Variants in BACE2 observed in about 807,000 individuals in gnomAD.
BACE2 encodes beta-secretase 2.
In BACE2, 17 loss-of-function variants were observed where a neutral mutation model predicts 46.2. The ratio of observed to expected loss-of-function variants is 0.37; its 90% CI spans 0.25 to 0.55. The LOEUF (loss-of-function observed/expected upper bound fraction) is 0.55. Ranked by LOEUF, BACE2 falls within the 20% of genes least tolerant of loss-of-function variation. The pLI, the probability that BACE2 is intolerant of heterozygous loss-of-function variation, is 0.82. For synonymous variants in BACE2, 277 were observed against 295.9 expected (o/e 0.94, Z 0.66); for missense variants, 595 against 698.1 (o/e 0.85, Z 1.66).
chr21:41,255,635 C>T (rs944593483), intron 7 of BACE2, among the ~76,000 whole-genome samples: 1 of 152,168 alleles, frequency 6.6e-6, no homozygotes, highest in Admixed American at 6.5e-5. Flanking sequence ...TGTCATTCAC[C>T]GTTGTAGTGC....
At chr21:41,233,654 A>G (rs1987029020) in intron 2 of BACE2, among the ~76,000 whole-genome samples, 1 of 152,246 alleles carries the variant, frequency 6.6e-6, no homozygotes, top group Non-Finnish European at 1.5e-5. Flanking sequence ...TAGACTGTTT[A>G]GGAAAGATAC....
intron 8 of BACE2, among the ~76,000 whole-genome samples, chr21:41,264,673 G>A (rs1267256842): frequency 6.6e-6 from 1 of 152,012 alleles, no homozygotes; most frequent in Non-Finnish European, 1.5e-5. Context: ...ATACTGGGGG[G>A]TGGTAGTAAA....
chr21:41,181,791 T>C (rs1226004319), intron 1 of BACE2: 1 of 167,050 alleles, frequency 6.0e-6, no homozygotes, highest in African/African-American at 2.4e-5. Flanking sequence ...GGGGACATGG[T>C]CCTGAGATTT....
rs180684956 is a variant in BACE2 at position 41,275,560 on chromosome 21, G to A, written c.1493G>A (p.Arg498His). 3.3e-5 allele frequency: 53 copies of A among 1,614,044 alleles called. No individual in the cohort carries two copies. In the East Asian group the frequency reaches 3.6e-4, roughly 11 times the overall value. The change falls in exon 9 of 9, where the codon CGT becomes CAT. Residue 498 changes from arginine to histidine, a missense_variant. Physicochemically the swap from Arg to His is conservative, Grantham distance 29. Around this residue, in one of 3 missense-constraint regions of BACE2, gnomAD observed 343 missense variants for 419.4 expected, o/e 0.82. Transcript: ENST00000330333. The stretch of plus-strand genomic sequence containing the variant: ...CTGCTGCTGCCGTTCCGGTGTCAGC[G>A]TCGCCCCCGTGACCCTGAGGTCGTC... ...VLLLLPFRCQ[R>H]RPRDPEVVND...
chr21:41,220,226 G>A (rs562559798), intron 1 of BACE2, among the ~76,000 whole-genome samples: 10 of 152,278 alleles, frequency 6.6e-5, no homozygotes, highest in Admixed American at 2.0e-4. Flanking sequence ...CCCTGTACAC[G>A]CCACCCTCCG....
At chr21:41,196,722 A>G (rs1434924808) in intron 1 of BACE2, among the ~76,000 whole-genome samples, 2 of 152,228 alleles carry the variant, frequency 1.3e-5, no homozygotes, top group Admixed American at 1.3e-4. Flanking sequence ...TGCCTAAAGC[A>G]ATAAAGAATT....
rs61386409 is a variant in BACE2, at chr21:41,274,543, T to C, written c.1304-828T>C. Among the ~76,000 whole-genome samples the C allele has an allele frequency of 2.4e-3, 369 of 152,288 alleles. 1 individual carries two copies. The highest frequency in any genetic ancestry group is 8.3e-3 in the African/African-American group (347 of 41,564). On this transcript the variant is annotated intron_variant, in intron 8 of 8. Transcript: ENST00000330333. ...ATTGCAAGTAAAGCTTAAGATCCCATATTCCTGAAAGGGGCAGAGAAGCCT... is the reference window on the plus strand; with the variant it reads ...ATTGCAAGTAAAGCTTAAGATCCCACATTCCTGAAAGGGGCAGAGAAGCCT...
intron 1 of BACE2, among the ~76,000 whole-genome samples, chr21:41,218,794 A>T (rs1219065756): frequency 6.6e-6 from 1 of 152,156 alleles, no homozygotes; most frequent in Non-Finnish European, 1.5e-5. Flanking sequence ...GAAAGTAAAA[A>T]TAATGTTATA....
chr21:41,204,233 G>T (rs1986055584), intron 1 of BACE2, among the ~76,000 whole-genome samples: 1 of 152,112 alleles, frequency 6.6e-6, no homozygotes, highest in Non-Finnish European at 1.5e-5. Context: ...TAGAGACAGG[G>T]TTTCAACATG....
intron 8 of BACE2, among the ~76,000 whole-genome samples, chr21:41,274,128 C>G (rs2088461190): frequency 6.6e-6 from 1 of 151,816 alleles, no homozygotes; most frequent in South Asian, 2.1e-4. Flanking sequence ...TATCTACAAA[C>G]CAGGAAATGG....
intron 1 of BACE2, chr21:41,181,061 T>C (rs1985103877): frequency 6.0e-6 from 1 of 167,110 alleles, no homozygotes; most frequent in Admixed American, 6.5e-5. Context: ...AGAATTAGTT[T>C]TATTGCTTAC....
chr21:41,253,167 C>A (rs747317891), intron 7 of BACE2, among the ~76,000 whole-genome samples: 1 of 152,054 alleles, frequency 6.6e-6, no homozygotes, highest in African/African-American at 2.4e-5. Flanking sequence ...CTTGGCCGGG[C>A]GCAGTGGCTC....
intron 1 of BACE2, among the ~76,000 whole-genome samples, chr21:41,198,641 G>A (rs1475449861): frequency 2.0e-5 from 3 of 152,164 alleles, no homozygotes; most frequent in Admixed American, 6.5e-5. Context: ...TACGGGTGGC[G>A]TATTTGACTC....
At position 41,168,414 on chromosome 21, in the gene BACE2, A is replaced by G; in HGVS notation, c.151A>G (p.Thr51Ala). 1 of 1,406,944 alleles carries G rather than the reference A, an allele frequency of 7.1e-7. No individual in the cohort carries two copies. The highest frequency in any genetic ancestry group is 1.6e-5 in the South Asian group (1 of 63,760). 87.2% of individuals were successfully genotyped at this position (1,406,944 alleles called of 1,614,324 possible). The change falls in exon 1 of 9, where the codon ACC becomes GCC. Residue 51 changes from threonine (T) to alanine (A), a missense_variant. By Grantham distance (58) the Thr-to-Ala change is moderately conservative. Around this residue, in one of 3 missense-constraint regions of BACE2, gnomAD observed 248 missense variants for 261.4 expected, o/e 0.95. Transcript: ENST00000330333. Reference sequence around the variant, plus strand: ...AGTTGCGCCCACCCCGGGACCCGGGACCCCTGCCGAGCGCCACGCCGACGG... The same window carrying G: ...AGTTGCGCCCACCCCGGGACCCGGGGCCCCTGCCGAGCGCCACGCCGACGG... ...RVVAPTPGPG[T>A]PAERHADGLA...
At chr21:41,232,941 T>C (rs1410140361) in intron 2 of BACE2, among the ~76,000 whole-genome samples, 3 of 150,202 alleles carry the variant, frequency 2.0e-5, no homozygotes, top group Non-Finnish European at 4.4e-5. Context: ...CGATATCGGC[T>C]CACTGCAAGC....
At chr21:41,251,178 C>T (rs571931978) in intron 7 of BACE2, among the ~76,000 whole-genome samples, 2 of 152,212 alleles carry the variant, frequency 1.3e-5, no homozygotes, top group South Asian at 4.1e-4. Flanking sequence ...TATCTGGTGG[C>T]GAGGTGGATG....
intron 7 of BACE2, among the ~76,000 whole-genome samples, chr21:41,256,557 C>T (rs966872667): frequency 9.2e-5 from 14 of 152,176 alleles, no homozygotes; most frequent in African/African-American, 2.9e-4. Flanking sequence ...AAACTTTGGT[C>T]TCTTAATCCA....
chr21:41,231,289 C>T (rs1204569239), intron 2 of BACE2, among the ~76,000 whole-genome samples: 3 of 152,168 alleles, frequency 2.0e-5, no homozygotes, highest in Non-Finnish European at 4.4e-5. Context: ...CCCTGAACCT[C>T]AGGGGGTCTC....
chr21:41,218,402 G>A (rs958796868), intron 1 of BACE2, among the ~76,000 whole-genome samples: 4 of 152,160 alleles, frequency 2.6e-5, no homozygotes, highest in Non-Finnish European at 1.5e-5. Context: ...ATAGGTGCTC[G>A]CAAGCATGAA....
Sources: gnomAD v4.1 joint callset for allele counts (sites outside exome capture counted in the v4.1 genomes callset) on GRCh38, gnomAD v4.1.1 for gene constraint, gnomAD v4.1.1 regional missense constraint, MANE v1.5 for transcripts, NCBI Gene and HGNC (gene_info 2026-07-23, HGNC 2026-07-21) for gene names.